Variants in KIAA1217 observed in about 807,000 individuals in gnomAD.
The protein encoded by KIAA1217 is sickle tail protein homolog.
A neutral mutation model predicts 163.9 loss-of-function variants in KIAA1217; 88 were observed. That is an observed-to-expected ratio of 0.54 (90% CI 0.45 to 0.64). The LOEUF is 0.64. Ranked by LOEUF, KIAA1217 falls within the 30% of genes least tolerant of loss-of-function variation. The pLI is 0.00. For missense variants in KIAA1217, 2,372 were observed against 2,475.0 expected, an observed-to-expected ratio of 0.96 and a Z score of 0.88; for synonymous variants, 903 against 923.1, an observed-to-expected ratio of 0.98 and a Z score of 0.39.
At chr10:23,953,317 G>T (rs561354312) in intron 1 of KIAA1217, among the ~76,000 whole-genome samples, 1 of 152,174 alleles carries the variant, frequency 6.6e-6, no homozygotes, top group African/African-American at 2.4e-5. Context: ...AGTCAATAAC[G>T]ATTCTCCTCC....
intron 2 of KIAA1217, among the ~76,000 whole-genome samples, chr10:24,244,441 C>T (rs2073501557): frequency 6.6e-6 from 1 of 152,122 alleles, no homozygotes; most frequent in African/African-American, 2.4e-5. Context: ...AGAATGGTGT[C>T]ATCCCAGATG....
intron 5 of KIAA1217, among the ~76,000 whole-genome samples, chr10:24,446,387 A>G (rs1564694778): frequency 6.6e-6 from 1 of 152,012 alleles, no homozygotes; most frequent in Non-Finnish European, 1.5e-5. Flanking sequence ...GCACACTAAA[A>G]ATATATCCAT....
chr10:24,209,960 C>T (rs1488784320), intron 1 of KIAA1217, among the ~76,000 whole-genome samples: 1 of 152,108 alleles, frequency 6.6e-6, no homozygotes, highest in Non-Finnish European at 1.5e-5. Flanking sequence ...AAATTTCGCA[C>T]CGGGTTGGGT....
intron 3 of KIAA1217, among the ~76,000 whole-genome samples, chr10:24,404,705 T>A (rs974927474): frequency 6.6e-6 from 1 of 152,164 alleles, no homozygotes; most frequent in Non-Finnish European, 1.5e-5. Flanking sequence ...CTAGCAGCTT[T>A]GTTTGTAAGA....
At chr10:24,344,660 T>C (rs921173605) in intron 2 of KIAA1217, among the ~76,000 whole-genome samples, 1 of 152,210 alleles carries the variant, frequency 6.6e-6, no homozygotes, top group Non-Finnish European at 1.5e-5. Context: ...AATGTAACTT[T>C]TAATTTTAAA....
intron 9 of KIAA1217, among the ~76,000 whole-genome samples, chr10:24,511,787 G>C (rs1306543220): frequency 1.3e-5 from 2 of 152,184 alleles, no homozygotes; most frequent in South Asian, 2.1e-4. Context: ...AACCAAAAGT[G>C]ATACATTTCT....
Position 24,338,609 on chromosome 10 carries a change from A to T in KIAA1217, c.355-42260A>T, listed in dbSNP as rs575347525. Among the ~76,000 whole-genome samples, 10 of 152,358 alleles carry T rather than the reference A, an allele frequency of 6.6e-5. No individual in the cohort carries two copies. In the South Asian group the frequency reaches 2.1e-3, roughly 32 times the overall value. On this transcript the variant is annotated intron_variant, in intron 2 of 20. Transcript: ENST00000376454. ...AGCATGTTTTACAGTTTTGACCTTG[A>T]TACTCAAGAAATGTCTGTGTCTGAC...
At chr10:24,508,095 T>A (rs2068604326) in intron 9 of KIAA1217, among the ~76,000 whole-genome samples, 1 of 151,856 alleles carries the variant, frequency 6.6e-6, no homozygotes, top group South Asian at 2.1e-4. Context: ...CAAACCAATA[T>A]CCCTCACGAA....
chr10:24,506,290 A>G (rs919992368), intron 9 of KIAA1217, among the ~76,000 whole-genome samples: 2 of 152,360 alleles, frequency 1.3e-5, no homozygotes, highest in Admixed American at 6.5e-5. Flanking sequence ...ACTGCTAGAC[A>G]GCAAAATCAG....
chr10:23,773,462 A>G lies in KIAA1217; in HGVS notation c.-321+78228A>G, dbSNP rs560947908. On this transcript the variant is annotated intron_variant, in intron 1 of 18. Coordinates refer to the KIAA1217 transcript ENST00000376462. Reference sequence around the variant, plus strand: ...GCGATGTGGGCTCTTTTTTGGTTCCATATGAACTTTAAAGTAGTTTTTTCC... The same window carrying G: ...GCGATGTGGGCTCTTTTTTGGTTCCGTATGAACTTTAAAGTAGTTTTTTCC... Among the ~76,000 whole-genome samples the G allele has an allele frequency of 4.6e-5, 7 of 151,652 alleles. No homozygotes were observed. In the East Asian group the frequency reaches 1.4e-3, roughly 29 times the overall value.
intron 2 of KIAA1217, among the ~76,000 whole-genome samples, chr10:24,294,842 C>G (rs1246276688): frequency 1.3e-5 from 2 of 152,180 alleles, no homozygotes; most frequent in African/African-American, 2.4e-5. Context: ...CGGTCACTGT[C>G]CACATTGCCA....
At chr10:23,952,504 G>A (rs960312010) in intron 1 of KIAA1217, among the ~76,000 whole-genome samples, 3 of 152,160 alleles carry the variant, frequency 2.0e-5, no homozygotes, top group African/African-American at 7.2e-5. Flanking sequence ...GCAATTCTAA[G>A]TACCTGAATG....
intron 1 of KIAA1217, among the ~76,000 whole-genome samples, chr10:23,839,478 C>A (rs113856876): frequency 6.6e-6 from 1 of 152,132 alleles, no homozygotes; most frequent in Non-Finnish European, 1.5e-5. Flanking sequence ...TCCTTAGTGT[C>A]TCTAACTCTT....
intron 3 of KIAA1217, among the ~76,000 whole-genome samples, chr10:24,384,758 G>A (rs530488921): frequency 2.6e-5 from 4 of 152,168 alleles, no homozygotes; most frequent in Non-Finnish European, 4.4e-5. Context: ...GGATGGTCTC[G>A]ATCTCCTGAC....
chr10:24,055,957 T>TAA lies in KIAA1217; in HGVS notation c.-171+48595_-171+48596dup, dbSNP rs372333243. Among the ~76,000 whole-genome samples, 101 of 143,022 alleles carry TAA rather than the reference T, an allele frequency of 7.1e-4. 1 individual carries two copies. The highest frequency in any genetic ancestry group is 2.5e-3 in the African/African-American group (98 of 39,144). The allele number at this position is 143,022 out of a possible 152,430, so 93.8% of individuals were successfully genotyped here. A position where few individuals can be genotyped will look rare whatever the true frequency, so the allele number is the denominator to read the frequency against. On this transcript the variant is annotated intron_variant, in intron 2 of 18. Transcript: ENST00000376462. The stretch of plus-strand genomic sequence containing the variant: ...AGGCTAAAGCTAAAAACACTAAATT[T>TAA]AAAAAAAAAAAAATACCCCAAATGT...
intron 2 of KIAA1217, among the ~76,000 whole-genome samples, chr10:24,164,959 A>C (rs1373987185): frequency 6.6e-6 from 1 of 152,224 alleles, no homozygotes; most frequent in Non-Finnish European, 1.5e-5. Flanking sequence ...GGAAGATTGC[A>C]TTGAAGAGAA....
At chr10:24,466,597 C>A (rs1372518761) in intron 5 of KIAA1217, 1 of 985,044 alleles carries the variant, frequency 1.0e-6, no homozygotes, top group Non-Finnish European at 1.2e-6. Flanking sequence ...TGTGAACACT[C>A]GAGCTGAGAA....
chr10:24,292,333 A>G (rs1478609797), intron 2 of KIAA1217, among the ~76,000 whole-genome samples: 1 of 152,186 alleles, frequency 6.6e-6, no homozygotes, highest in African/African-American at 2.4e-5. Flanking sequence ...TGGAGCTCAG[A>G]ATTAACCACT....
intron 1 of KIAA1217, among the ~76,000 whole-genome samples, chr10:23,763,717 T>A (rs1390273270): frequency 1.3e-5 from 2 of 152,062 alleles, no homozygotes; most frequent in African/African-American, 4.8e-5. Context: ...GCCAAAAGGT[T>A]CATAACAAAC....
Sources: gnomAD v4.1 joint callset for allele counts (sites outside exome capture counted in the v4.1 genomes callset) on GRCh38, gnomAD v4.1.1 for gene constraint, MANE v1.5 for transcripts, NCBI Gene and HGNC (gene_info 2026-07-23, HGNC 2026-07-21) for gene names.